Variants in VPS9D1 observed in about 807,000 individuals in gnomAD.
The protein encoded by VPS9D1 is VPS9 domain containing 1, also known as VPS9 domain-containing protein 1.
A neutral mutation model predicts 75.8 loss-of-function variants in VPS9D1; 78 were observed. The ratio of observed to expected loss-of-function variants is 1.03; its 90% confidence interval spans 0.86 to 1.24. The LOEUF (loss-of-function observed/expected upper bound fraction) is 1.24, where lower values mean the gene tolerates loss of function less well. Among genes scored for constraint, VPS9D1 ranks in the 50% most tolerant of loss-of-function variants. The pLI is 0.00. For missense variants in VPS9D1, 1,057 were observed against 847.7 expected (o/e 1.25, Z -3.07); for synonymous variants, 481 against 385.6 (o/e 1.25, Z -2.90).
chr16:89,718,212 A>C, intron 2 of VPS9D1: 2 of 393,636 alleles, frequency 5.1e-6, no homozygotes, highest in South Asian at 1.8e-5. Context: ...GCCTCCTGCA[A>C]GTCTGCTCTG....
At chr16:89,718,454 T>A (rs2061144055) in intron 2 of VPS9D1, among the ~76,000 whole-genome samples, 1 of 152,128 alleles carries the variant, frequency 6.6e-6, no homozygotes, top group African/African-American at 2.4e-5. Context: ...ACCCCACAGC[T>A]GGAATGCTGC....
In VPS9D1 at chr16:89,712,111, G is replaced by C; in HGVS notation, c.607-12C>G. 6.5e-7 allele frequency: 1 copy of C among 1,548,274 alleles called. No homozygotes were observed. The highest frequency in any genetic ancestry group is 8.7e-7 in the Non-Finnish European group (1 of 1,146,798). On this transcript the variant is annotated splice_polypyrimidine_tract_variant and intron_variant, in intron 6 of 14. Coordinates refer to ENST00000389386, the MANE Select transcript of VPS9D1 (RefSeq NM_004913.3). ...ATCTTTCTCTGGAGCTGGGTGCAGA[G>C]TCAAGGGGCCGAGCGTGGGATCTGA...
At chr16:89,717,974 C>T (rs4451940) in intron 2 of VPS9D1, 3 of 445,404 alleles carry the variant, frequency 6.7e-6, no homozygotes, top group South Asian at 4.8e-5. Context: ...GACCTCTGTG[C>T]TCCCACGTCC....
chr16:89,712,767 T>G, intron 4 of VPS9D1, 51 bp from the exon 5 acceptor site: 1 of 1,416,058 alleles, frequency 7.1e-7, no homozygotes, highest in South Asian at 1.4e-5. Flanking sequence ...CAGTGGTGTC[T>G]GGACACCAGA....
chr16:89,710,578 G>A lies in VPS9D1; in HGVS notation c.1258+8C>T. The A allele has an allele frequency of 6.3e-7, 1 of 1,586,808 alleles. No individual in the cohort carries two copies. ...GCGGCGGCTCTCCCAGGGAGGGCCTGGCCTCACCTACGGCATTGTGGATCT... is the reference window on the plus strand; with the variant it reads ...GCGGCGGCTCTCCCAGGGAGGGCCTAGCCTCACCTACGGCATTGTGGATCT... On this transcript the variant is annotated splice_region_variant and intron_variant, in intron 10 of 14. Transcript: ENST00000389386.
chr16:89,708,052 G>A, intron 14 of VPS9D1, 98 bp from the exon 15 acceptor site: 2 of 1,194,958 alleles, frequency 1.7e-6, no homozygotes, highest in Non-Finnish European at 2.4e-6. Flanking sequence ...TTCAGGACCT[G>A]GGTGCTGAGG....
At chr16:89,715,698 G>A (rs1479878782) in intron 4 of VPS9D1, among the ~76,000 whole-genome samples, 12 of 149,544 alleles carry the variant, frequency 8.0e-5, no homozygotes, top group Non-Finnish European at 1.3e-4. Context: ...TTTTTGAGAC[G>A]GAGTTTCACT....
chr16:89,717,295 G>A (rs1438212840), intron 2 of VPS9D1: 5 of 322,326 alleles, frequency 1.6e-5, no homozygotes, highest in South Asian at 5.0e-5. Context: ...TCACAGCCTC[G>A]ACCCTAAACA....
chr16:89,710,789 G>A lies in VPS9D1; in HGVS notation c.1055C>T (p.Thr352Met), dbSNP rs1422506467. The A allele has an allele frequency of 1.3e-6, 2 of 1,550,932 alleles. No individual in the cohort carries two copies. Among genetic ancestry groups the A allele is most frequent in the South Asian group, 1.2e-5 (1 of 84,422 alleles). ...CACGGGGCCGGGTTGGAGTGGGGGC[G>A]TGGGGGGACTGTCCTGGGGCCGCGG... ...AAPRPQDSPP[T>M]PPLQPGPVGS... is the part of the protein sequence containing the mutation. Residue 352 changes from threonine to methionine, a missense_variant, in exon 10 of 15, where the codon ACG becomes ATG. By Grantham distance (81) the Thr-to-Met change is moderately conservative. Transcript: ENST00000389386.
In VPS9D1 at chr16:89,710,737, G is replaced by T; in HGVS notation, c.1107C>A (p.Thr369=). 6.3e-7 allele frequency: 1 copy of T among 1,587,066 alleles called. No individual in the cohort carries two copies. The highest frequency in any genetic ancestry group is 2.3e-5 in the East Asian group (1 of 43,448). Residue 369 remains threonine, a synonymous_variant, in exon 10 of 15, where the codon ACC becomes ACA. Transcript: ENST00000389386. ...TGTCCTTGTCTGGCAATCCAGATGC[G>T]GTGTCCCCCAGGGGTGAGGGAGACC... ...PVGSPSPLGD[T]ASGLPDKDSS...
In VPS9D1 at chr16:89,708,696, C is replaced by T. The variant is rs375960927; in HGVS notation, c.1697+161G>A. Among the ~76,000 whole-genome samples, 46 of 152,350 alleles carry T rather than the reference C, an allele frequency of 3.0e-4. 1 individual carries two copies. The East Asian group carries it at 5.2e-3, about 17-fold the overall frequency. On this transcript the variant is annotated intron_variant, in intron 13 of 14. Transcript: ENST00000389386. ...ATGGTGAGGCTGTCCCTAAAGGGAG[C>T]TCCCGTACTGCGGAGCCAGGGCTGG...
chr16:89,707,843 C>T lies in VPS9D1; in HGVS notation c.*18G>A, dbSNP rs1318755272. On this transcript the variant is annotated 3_prime_UTR_variant, in exon 15 of 15. Coordinates refer to ENST00000389386, the MANE Select transcript of VPS9D1 (RefSeq NM_004913.3). ...GAGGCGAGGCCAGGCCCTGCAGGGACCCTGGGCTCTAGCTGTACTACTTGG... is the reference window on the plus strand; with the variant it reads ...GAGGCGAGGCCAGGCCCTGCAGGGATCCTGGGCTCTAGCTGTACTACTTGG... 1.9e-6 allele frequency: 3 copies of T among 1,611,672 alleles called. No individual in the cohort carries two copies. Among genetic ancestry groups the T allele is most frequent in the South Asian group, 1.1e-5 (1 of 91,040 alleles).
chr16:89,711,744 C>A, intron 8 of VPS9D1, 138 bp downstream of exon 8: 2 of 1,105,632 alleles, frequency 1.8e-6, no homozygotes, highest in East Asian at 5.3e-5. Context: ...CGGGCCCTCC[C>A]ACGGGCCTCT....
chr16:89,712,578 C>T (rs2151628283), intron 5 of VPS9D1, 27 bp downstream of exon 5: 2 of 1,608,534 alleles, frequency 1.2e-6, no homozygotes, highest in Non-Finnish European at 8.5e-7. Flanking sequence ...CCCACGCACC[C>T]CCAGGCCCTC....
rs1464390967 is a variant in VPS9D1, at chr16:89,707,962, G to C, written c.1803-8C>G. 3 of 1,612,018 alleles carry C rather than the reference G, an allele frequency of 1.9e-6. No homozygotes were observed. The South Asian group carries it at 3.3e-5, about 18-fold the overall frequency. ...TCCTCTCCGATCAGGTACCTGCATG[G>C]ATGGCAGGGGCAGCCGGTGTCATCT... On this transcript the variant is annotated splice_polypyrimidine_tract_variant and splice_region_variant and intron_variant, in intron 14 of 14. Coordinates refer to ENST00000389386, the MANE Select transcript of VPS9D1 (RefSeq NM_004913.3).
intron 2 of VPS9D1, chr16:89,717,754 C>G (rs1219274919): frequency 2.2e-6 from 1 of 456,714 alleles, no homozygotes; most frequent in Non-Finnish European, 4.4e-6. Flanking sequence ...CTCCACCCAA[C>G]TCCTCAATCT....
At chr16:89,712,013 C>G in intron 7 of VPS9D1, 34 bp downstream of exon 7, 1 of 1,549,356 alleles carries the variant, frequency 6.5e-7, no homozygotes, top group Non-Finnish European at 8.7e-7. Flanking sequence ...CAGGCCCTCC[C>G]CGCAGCGGCC....
intron 1 of VPS9D1, 181 bp downstream of exon 1, chr16:89,720,582 G>A (rs942931707): frequency 1.6e-5 from 20 of 1,219,098 alleles, no homozygotes; most frequent in Non-Finnish European, 2.0e-5. Flanking sequence ...AGCTGTCCAA[G>A]GTCACTGCAC....
chr16:89,719,881 G>A (rs1163501505), intron 1 of VPS9D1, among the ~76,000 whole-genome samples: 4 of 152,130 alleles, frequency 2.6e-5, no homozygotes, highest in African/African-American at 9.7e-5. Flanking sequence ...GCCACACCCA[G>A]CTAATTTTTG....
Sources: allele counts gnomAD v4.1 joint callset (sites outside exome capture counted in the v4.1 genomes callset), GRCh38; gene constraint gnomAD v4.1.1; transcripts MANE v1.5; gene names NCBI Gene and HGNC (gene_info 2026-07-23, HGNC 2026-07-21).